SGCZ: variants seen among roughly 807,000 people sequenced by gnomAD.
SGCZ encodes sarcoglycan zeta.
A neutral mutation model predicts 41.3 loss-of-function variants in SGCZ; 40 were observed. The ratio of observed to expected loss-of-function variants is 0.97; its 90% CI spans 0.75 to 1.26. The LOEUF (loss-of-function observed/expected upper bound fraction) is 1.26. SGCZ is among the 50% of genes most tolerant of loss of function. The pLI is 0.00. For missense variants in SGCZ, 552 were observed against 369.8 expected, an observed-to-expected ratio of 1.49 and a Z score of -4.04; for synonymous variants, 206 against 137.5, an observed-to-expected ratio of 1.50 and a Z score of -3.49.
intron 1 of SGCZ, among the ~76,000 whole-genome samples, chr8:15,183,271 T>C (rs892981291): frequency 6.6e-6 from 1 of 152,352 alleles, no homozygotes; most frequent in African/African-American, 2.4e-5. Flanking sequence ...TGTACATAAT[T>C]TTCTATGCTA....
intron 3 of SGCZ, among the ~76,000 whole-genome samples, chr8:14,305,237 T>G (rs987753272): frequency 3.3e-5 from 5 of 152,142 alleles, no homozygotes; most frequent in African/African-American, 1.2e-4. Context: ...CAACAAAACA[T>G]GAATTCAAAA....
intron 2 of SGCZ, among the ~76,000 whole-genome samples, chr8:14,416,921 G>A (rs55707139): frequency 0.02 from 2,994 of 151,942 alleles, 79 homozygotes; most frequent in African/African-American, 0.052. Context: ...GAAAAAAAGA[G>A]CATATGTGTG....
At chr8:15,038,404 T>C (rs149407131) in intron 1 of SGCZ, among the ~76,000 whole-genome samples, 2 of 151,820 alleles carry the variant, frequency 1.3e-5, no homozygotes, top group South Asian at 4.2e-4. Context: ...AAAATCCACA[T>C]GCAGAACAAT....
chr8:14,189,874 G>C (rs1382053165), intron 4 of SGCZ, among the ~76,000 whole-genome samples: 1 of 152,118 alleles, frequency 6.6e-6, no homozygotes, highest in African/African-American at 2.4e-5. Flanking sequence ...TGATTAAAAT[G>C]TTTCTAACCT....
intron 1 of SGCZ, among the ~76,000 whole-genome samples, chr8:14,633,963 CT>C (rs1241752865): frequency 6.6e-6 from 1 of 151,788 alleles, no homozygotes; most frequent in Admixed American, 6.6e-5. Flanking sequence ...ACTAACAGTC[CT>C]TCTGCACTTG....
At chr8:14,155,002 G>C (rs116685938) in intron 5 of SGCZ, among the ~76,000 whole-genome samples, 21 of 152,074 alleles carry the variant, frequency 1.4e-4, no homozygotes, top group African/African-American at 4.6e-4. Flanking sequence ...TGCAGGTTGC[G>C]AGCAAAATAA....
At chr8:14,290,782 G>T (rs1318673246) in intron 3 of SGCZ, among the ~76,000 whole-genome samples, 1 of 152,004 alleles carries the variant, frequency 6.6e-6, no homozygotes, top group Non-Finnish European at 1.5e-5. Context: ...ACAGTATGGA[G>T]GTTCCCTCAT....
At chr8:14,947,215 G>C (rs1319703182) in intron 1 of SGCZ, among the ~76,000 whole-genome samples, 1 of 152,184 alleles carries the variant, frequency 6.6e-6, no homozygotes, top group Non-Finnish European at 1.5e-5. Context: ...AATGAGCACA[G>C]AGACAAAAGC....
chr8:14,319,107 A>T (rs955180326), intron 3 of SGCZ, among the ~76,000 whole-genome samples: 2 of 152,020 alleles, frequency 1.3e-5, no homozygotes, highest in African/African-American at 4.8e-5. Context: ...AACAAAGATG[A>T]CCTAACATAA....
chr8:14,469,200 A>C (rs1801139813), intron 2 of SGCZ, among the ~76,000 whole-genome samples: 1 of 152,146 alleles, frequency 6.6e-6, no homozygotes, highest in Admixed American at 6.6e-5. Context: ...ACAGATTTTA[A>C]ATTTCACCAT....
At position 14,495,154 on chromosome 8, in the gene SGCZ, G is replaced by T. The variant is rs187259581; in HGVS notation, c.234+59578C>A. ...AAGCGCTTGTAGAGTTTATCAAAAA[G>T]AAGATAAAGAGGAATAAGAGTTCCT... On this transcript the variant is annotated intron_variant, in intron 2 of 7. Coordinates refer to ENST00000382080, the MANE Select transcript of SGCZ (RefSeq NM_139167.4). Among the ~76,000 whole-genome samples the T allele has an allele frequency of 3.8e-3, 572 of 152,220 alleles. 2 individuals carry two copies. Among genetic ancestry groups the T allele is most frequent in the Admixed American group, 7.5e-3 (115 of 15,284 alleles).
intron 4 of SGCZ, among the ~76,000 whole-genome samples, chr8:14,176,540 A>C (rs1053499257): frequency 2.0e-4 from 31 of 152,242 alleles, no homozygotes; most frequent in Non-Finnish European, 4.0e-4. Context: ...ACTGTATTAG[A>C]AGTCTTAATA....
At chr8:14,265,039 C>T (rs978155652) in intron 3 of SGCZ, among the ~76,000 whole-genome samples, 2 of 152,106 alleles carry the variant, frequency 1.3e-5, no homozygotes, top group Non-Finnish European at 2.9e-5. Flanking sequence ...CCTAATTTTT[C>T]AGTATGCAGG....
chr8:14,410,540 T>TA lies in SGCZ; in HGVS notation c.235-86337dup, dbSNP rs10602435. 7.4e-3 allele frequency among the ~76,000 whole-genome samples: 1,054 copies of TA among 142,126 alleles called. 8 individuals are homozygous for TA. Among genetic ancestry groups the TA allele is most frequent in the South Asian group, 0.034 (146 of 4,338 alleles). 93.2% of individuals were successfully genotyped at this position (142,126 alleles called of 152,430 possible). A position where few individuals can be genotyped will look rare whatever the true frequency, so the allele number is the denominator to read the frequency against. On this transcript the variant is annotated intron_variant, in intron 2 of 7. Coordinates refer to ENST00000382080, the MANE Select transcript of SGCZ (RefSeq NM_139167.4). ...AATGCTGTGTAATTCTAAGTTAATA[T>TA]AAAAAAAAAAAAACAGAAGTTCTAC...
At chr8:14,569,567 AC>A (rs1445446334) in intron 1 of SGCZ, among the ~76,000 whole-genome samples, 2 of 152,342 alleles carry the variant, frequency 1.3e-5, no homozygotes, top group Admixed American at 1.3e-4. Context: ...ACATGAGCAA[AC>A]AAAAATCCCT....
At chr8:14,379,888 C>T (rs574177664) in intron 2 of SGCZ, among the ~76,000 whole-genome samples, 11 of 152,062 alleles carry the variant, frequency 7.2e-5, no homozygotes, top group East Asian at 5.8e-4. Context: ...TGTGCCACCA[C>T]GCCCGCCTAC....
chr8:15,218,510 C>G (rs1801491058), intron 1 of SGCZ, among the ~76,000 whole-genome samples: 1 of 152,170 alleles, frequency 6.6e-6, no homozygotes, highest in South Asian at 2.1e-4. Flanking sequence ...TTATTAAACT[C>G]AAGCACTTAC....
intron 1 of SGCZ, among the ~76,000 whole-genome samples, chr8:15,077,026 C>A (rs17120855): frequency 0.17 from 25,180 of 151,994 alleles, 2,283 homozygotes; most frequent in African/African-American, 0.24. Flanking sequence ...TAAGTTACGA[C>A]GCCAAAAGGA....
intron 1 of SGCZ, among the ~76,000 whole-genome samples, chr8:15,084,404 TAAATA>T (rs1805873191): frequency 6.6e-6 from 1 of 152,268 alleles, no homozygotes; most frequent in African/African-American, 2.4e-5. Context: ...GCGAAGACAT[TAAATA>T]AGTTATTCAA....
Sources: gnomAD v4.1 joint callset for allele counts (sites outside exome capture counted in the v4.1 genomes callset) on GRCh38, gnomAD v4.1.1 for gene constraint, MANE v1.5 for transcripts, NCBI Gene and HGNC (gene_info 2026-07-23, HGNC 2026-07-21) for gene names.